SLC16A2: variants seen among roughly 807,000 people sequenced by gnomAD.
The protein encoded by SLC16A2 is monocarboxylate transporter 8.
A neutral mutation model predicts 27.2 loss-of-function variants in SLC16A2; 3 were observed. The ratio of observed to expected loss-of-function variants is 0.11; its 90% CI spans 0.05 to 0.28. The LOEUF is 0.28. Ranked by LOEUF, SLC16A2 falls within the 10% of genes least tolerant of loss-of-function variation. SLC16A2 has a pLI of 1.00. For missense variants in SLC16A2, 295 were observed against 458.5 expected (o/e 0.64, Z 3.26); for synonymous variants, 202 against 187.8 (o/e 1.08, Z -0.62).
At chrX:74,476,728 G>A (rs1372718063) in intron 1 of SLC16A2, among the ~76,000 whole-genome samples, 1 of 112,083 alleles carries the variant, frequency 8.9e-6, no homozygotes, top group East Asian at 2.8e-4. Context: ...TGCATCTAAT[G>A]AGATAATCAT....
chrX:74,435,543 A>ATATGCATATATATATATGTG (rs1256057360), intron 1 of SLC16A2, among the ~76,000 whole-genome samples: 1 of 88,387 alleles, frequency 1.1e-5, no homozygotes, highest in African/African-American at 4.7e-5. Context: ...ATATGTATAT[A>ATATGCATATATATATATGTG]TATATATATA....
At chrX:74,477,122 G>A (rs1344607509) in intron 1 of SLC16A2, 2 of 111,625 alleles carry the variant, frequency 1.8e-5, no homozygotes, top group African/African-American at 6.5e-5. Context: ...CTTTTTTTTG[G>A]TTGGTAAGCT....
intron 1 of SLC16A2, among the ~76,000 whole-genome samples, chrX:74,428,948 C>T (rs1240463838): frequency 9.0e-6 from 1 of 111,611 alleles, no homozygotes; most frequent in African/African-American, 3.3e-5. Flanking sequence ...TTTTTGGTAG[C>T]TTCCGTGTTT....
chrX:74,531,439 A>G lies in SLC16A2; in HGVS notation c.1506A>G (p.Gln502=). Residue 502 remains glutamine (Q), a synonymous_variant, in exon 6 of 6, where the codon CAA becomes CAG. Transcript: ENST00000587091. ...TCTTCTTCGTCCCTCTGATGCATCA[A>G]AGGATGTTCAAGAAAGAGCAGAGAG... The part of the protein sequence containing the change: ...VILFFVPLMH[Q]RMFKKEQRDS... 8.3e-7 allele frequency: 1 copy of G among 1,208,794 alleles called. No individual in the cohort carries two copies. The highest frequency in any genetic ancestry group is 1.1e-6 in the Non-Finnish European group (1 of 892,886).
At chrX:74,425,488 T>C (rs1270802030) in intron 1 of SLC16A2, among the ~76,000 whole-genome samples, 1 of 110,869 alleles carries the variant, frequency 9.0e-6, no homozygotes, top group Non-Finnish European at 1.9e-5. Context: ...GCCAAGATCA[T>C]GGGAAATTTG....
At chrX:74,439,477 ATTTT>A (rs58357634) in intron 1 of SLC16A2, among the ~76,000 whole-genome samples, 1 of 78,560 alleles carries the variant, frequency 1.3e-5, no homozygotes. Context: ...GGCCCGGCTA[ATTTT>A]TTTTTTTTTT....
intron 1 of SLC16A2, among the ~76,000 whole-genome samples, chrX:74,435,553 A>ATT (rs574089496): frequency 5.8e-4 from 51 of 87,811 alleles, no homozygotes; most frequent in African/African-American, 1.7e-3. Context: ...ATATATATAT[A>ATT]TTTTTTTTTT....
chrX:74,445,443 C>T (rs1326205920), intron 1 of SLC16A2, among the ~76,000 whole-genome samples: 1 of 108,825 alleles, frequency 9.2e-6, no homozygotes, highest in African/African-American at 3.4e-5. Context: ...GCACATTTTG[C>T]TAGATGCTAT....
chrX:74,528,138 G>A lies in SLC16A2; in HGVS notation c.1171-1075G>A, dbSNP rs189822849. On this transcript the variant is annotated intron_variant, in intron 4 of 5. Coordinates refer to ENST00000587091, the MANE Select transcript of SLC16A2 (RefSeq NM_006517.5). ...CATGTGTTCTTGGCTAAGTTGGCTT[G>A]CTTGTGTGAACTACTGGAAAATCCT... Among the ~76,000 whole-genome samples the A allele has an allele frequency of 7.5e-4, 84 of 112,352 alleles. 1 individual carries two copies. The East Asian group carries it at 0.02, about 26-fold the overall frequency.
chrX:74,531,686 C>T lies in SLC16A2; in HGVS notation c.*133C>T, dbSNP rs1226384675. 6 of 538,993 alleles carry T rather than the reference C, an allele frequency of 1.1e-5. No homozygotes were observed. Among genetic ancestry groups the T allele is most frequent in the Middle Eastern group, 1.0e-3 (2 of 2,004 alleles). The allele number at this position is 538,993 out of a possible 1,213,427, so 44.4% of individuals were successfully genotyped here. On this transcript the variant is annotated 3_prime_UTR_variant, in exon 6 of 6. Coordinates refer to ENST00000587091, the MANE Select transcript of SLC16A2 (RefSeq NM_006517.5). ...CAGCATTTCAGCCACCTGACAATCT[C>T]CTTGGAGTCAAAGCTCCAGGTGTTC... is the stretch of plus-strand genomic sequence containing the variant.
At chrX:74,465,071 G>A (rs756135565) in intron 1 of SLC16A2, among the ~76,000 whole-genome samples, 2 of 112,045 alleles carry the variant, frequency 1.8e-5, no homozygotes, top group Admixed American at 1.9e-4. Flanking sequence ...TCAGGAAAGG[G>A]GTTCAGAGAG....
intron 1 of SLC16A2, among the ~76,000 whole-genome samples, chrX:74,506,554 T>G (rs892720642): frequency 9.0e-6 from 1 of 111,252 alleles, no homozygotes; most frequent in Non-Finnish European, 1.9e-5. Flanking sequence ...CAGGTGAGTT[T>G]GGCTGAGAGG....
chrX:74,478,515 TC>T (rs1410068449), intron 1 of SLC16A2, among the ~76,000 whole-genome samples: 1 of 111,994 alleles, frequency 8.9e-6, no homozygotes, highest in Non-Finnish European at 1.9e-5. Context: ...GTAAATCTGA[TC>T]CTGTCATTAT....
intron 1 of SLC16A2, among the ~76,000 whole-genome samples, chrX:74,503,148 A>G (rs1195163772): frequency 9.1e-6 from 1 of 109,897 alleles, no homozygotes; most frequent in African/African-American, 3.3e-5. Flanking sequence ...TAAGACCCTG[A>G]CATTACCTTC....
chrX:74,450,718 C>T (rs1928924245), intron 1 of SLC16A2, among the ~76,000 whole-genome samples: 1 of 111,826 alleles, frequency 8.9e-6, no homozygotes, highest in Admixed American at 9.5e-5. Flanking sequence ...AAAGGCACAA[C>T]ATTCAAGGTC....
At chrX:74,485,495 G>T (rs1161676721) in intron 1 of SLC16A2, among the ~76,000 whole-genome samples, 1 of 110,417 alleles carries the variant, frequency 9.1e-6, no homozygotes, top group African/African-American at 3.3e-5. Flanking sequence ...GTTACCAGGG[G>T]ATCTTTGCTC....
At chrX:74,477,033 G>T (rs891198922) in intron 1 of SLC16A2, 1 of 112,059 alleles carries the variant, frequency 8.9e-6, no homozygotes, top group Admixed American at 9.5e-5. Flanking sequence ...CTATTGATTG[G>T]AATAGTTTCA....
intron 4 of SLC16A2, among the ~76,000 whole-genome samples, chrX:74,526,767 A>T (rs771693260): frequency 1.2e-4 from 13 of 113,013 alleles, no homozygotes; most frequent in African/African-American, 3.9e-4. Context: ...ATGATAAGTG[A>T]CTTGACCAAG....
chrX:74,429,345 G>T (rs1928488329), intron 1 of SLC16A2, among the ~76,000 whole-genome samples: 1 of 110,168 alleles, frequency 9.1e-6, no homozygotes, highest in Non-Finnish European at 1.9e-5. Flanking sequence ...AGTGGCACAT[G>T]CCTGTGGTCA....
Sources: allele counts gnomAD v4.1 joint callset (sites outside exome capture counted in the v4.1 genomes callset), GRCh38; gene constraint gnomAD v4.1.1; transcripts MANE v1.5; gene names NCBI Gene and HGNC (gene_info 2026-07-23, HGNC 2026-07-21).